FBXO47: variants seen among roughly 807,000 people sequenced by gnomAD.
FBXO47 encodes F-box protein 47.
A neutral mutation model predicts 53.9 loss-of-function variants in FBXO47; 34 were observed. That is an observed-to-expected ratio of 0.63 (90% CI 0.48 to 0.84). The LOEUF (loss-of-function observed/expected upper bound fraction) is 0.84. Ranked by LOEUF, FBXO47 falls within the 40% of genes least tolerant of loss-of-function variation. FBXO47 has a pLI of 0.00. For synonymous variants in FBXO47, 165 were observed against 181.6 expected, an observed-to-expected ratio of 0.91 and a Z score of 0.73; for missense variants, 485 against 541.3, an observed-to-expected ratio of 0.90 and a Z score of 1.03.
chr17:38,961,994 T>C lies in FBXO47; in HGVS notation c.235A>G (p.Ile79Val), dbSNP rs761645079. 1 of 1,613,986 alleles carries C rather than the reference T, an allele frequency of 6.2e-7. No homozygotes were observed. The highest frequency in any genetic ancestry group is 8.5e-7 in the Non-Finnish European group (1 of 1,179,956). Reference protein sequence around the residue: ...MVSKTVSQHIINYISTSSGSK... With the variant: ...MVSKTVSQHIVNYISTSSGSK... ...CCTGATGAGGTTGAGATATAATTAA[T>C]AATGTGTTGGCTGACTGTTTTGGAC... Residue 79 changes from isoleucine to valine, a missense_variant, in exon 3 of 11, where the codon ATT (isoleucine) becomes GTT (valine). Ile to Val is a conservative substitution (Grantham distance 29). Transcript: ENST00000378079.
In FBXO47 at chr17:38,937,179, G is replaced by A; in HGVS notation, c.1355C>T (p.Thr452Ile). ...AAGGCAAGGCTTTCTGAGGATTTAGGTAGACAGAGGAGTATTCATGGTCAA... is the reference window on the plus strand; with the variant it reads ...AAGGCAAGGCTTTCTGAGGATTTAGATAGACAGAGGAGTATTCATGGTCAA... ...LYLTMNTPLS[T>I] Residue 452 changes from threonine (T) to isoleucine (I), a missense_variant, in exon 11 of 11, where the codon ACC (threonine) becomes ATC (isoleucine). Transcript: ENST00000378079. 6.9e-7 allele frequency: 1 copy of A among 1,448,714 alleles called. No individual in the cohort carries two copies. The highest frequency in any genetic ancestry group is 9.7e-7 in the Non-Finnish European group (1 of 1,035,690). The allele number at this position is 1,448,714 out of a possible 1,614,324, so 89.7% of individuals were successfully genotyped here.
At chr17:38,937,923 C>T (rs879374363) in intron 10 of FBXO47, among the ~76,000 whole-genome samples, 1 of 152,226 alleles carries the variant, frequency 6.6e-6, no homozygotes, top group Non-Finnish European at 1.5e-5. Flanking sequence ...CCGCCTCGGC[C>T]TCCCAAAGTG....
chr17:38,947,990 A>G (rs1444264195), intron 6 of FBXO47, among the ~76,000 whole-genome samples: 1 of 152,102 alleles, frequency 6.6e-6, no homozygotes, highest in African/African-American at 2.4e-5. Context: ...ATCACATACC[A>G]TACCATTTAC....
chr17:38,945,948 A>T (rs189929515), intron 6 of FBXO47, among the ~76,000 whole-genome samples: 16,121 of 116,432 alleles, frequency 0.14, 1,453 homozygotes, highest in Admixed American at 0.22. Context: ...AAAAAAAAAA[A>T]ATATATATAT....
At chr17:38,945,697 G>A (rs1345032843) in intron 6 of FBXO47, among the ~76,000 whole-genome samples, 1 of 151,840 alleles carries the variant, frequency 6.6e-6, no homozygotes, top group Admixed American at 6.6e-5. Context: ...AGCACTTTGG[G>A]AGGCTGAGGC....
chr17:38,944,114 G>A (rs138454036), intron 7 of FBXO47, among the ~76,000 whole-genome samples: 3 of 151,940 alleles, frequency 2.0e-5, no homozygotes, highest in African/African-American at 7.2e-5. Flanking sequence ...CCTGGGAGGC[G>A]GAGGTTGCAG....
At chr17:38,965,878 G>A (rs1431334394) in intron 1 of FBXO47, among the ~76,000 whole-genome samples, 1 of 142,922 alleles carries the variant, frequency 7.0e-6, no homozygotes. Flanking sequence ...GCAAGAATCT[G>A]CCTCAAAAAA....
intron 4 of FBXO47, among the ~76,000 whole-genome samples, chr17:38,955,298 G>C (rs1390521691): frequency 6.6e-6 from 1 of 150,550 alleles, no homozygotes; most frequent in African/African-American, 2.4e-5. Context: ...TGAGGCAGGA[G>C]AATGGCATGA....
chr17:38,962,806 G>A (rs1266232994), intron 2 of FBXO47, 39 bp downstream of exon 2: 2 of 1,437,228 alleles, frequency 1.4e-6, no homozygotes, highest in East Asian at 2.3e-5. Context: ...AAATACTCTA[G>A]TGTCTTGTGT....
intron 7 of FBXO47, among the ~76,000 whole-genome samples, chr17:38,944,695 C>A (rs1340368078): frequency 1.6e-5 from 2 of 121,474 alleles, no homozygotes; most frequent in African/African-American, 6.4e-5. Flanking sequence ...GAGCAGACTC[C>A]GTCTCAAAAA....
chr17:38,947,627 C>T (rs779748624), intron 6 of FBXO47, among the ~76,000 whole-genome samples: 3 of 152,028 alleles, frequency 2.0e-5, no homozygotes, highest in Non-Finnish European at 4.4e-5. Context: ...TTTAGATTAA[C>T]GGCCAGGCGT....
At chr17:38,944,917 TA>T in intron 7 of FBXO47, 42 bp downstream of exon 7, 5 of 1,540,364 alleles carry the variant, frequency 3.2e-6, no homozygotes, top group Non-Finnish European at 4.5e-6. Context: ...AAAGTAAAAA[TA>T]ATGAACCAGT....
At chr17:38,942,343 C>T (rs1413716588) in intron 9 of FBXO47, among the ~76,000 whole-genome samples, 5 of 151,990 alleles carry the variant, frequency 3.3e-5, no homozygotes, top group African/African-American at 1.2e-4. Flanking sequence ...ACCTGTAATC[C>T]CAGCACTTTG....
At chr17:38,941,074 A>G (rs531270598) in intron 9 of FBXO47, among the ~76,000 whole-genome samples, 1 of 151,698 alleles carries the variant, frequency 6.6e-6, no homozygotes, top group East Asian at 1.9e-4. Context: ...AGCCTTGACC[A>G]CCCAGACTCA....
At position 38,943,021 on chromosome 17, in the gene FBXO47, ATTAGTG is replaced by A. The variant is rs1275185248; in HGVS notation, c.941-107_941-102del. 1.2e-5 allele frequency: 13 copies of A among 1,063,160 alleles called. No homozygotes were observed. The African/African-American group carries it at 2.1e-4, about 17-fold the overall frequency. 65.9% of individuals were successfully genotyped at this position (1,063,160 alleles called of 1,614,324 possible). A position where few individuals can be genotyped will look rare whatever the true frequency, so the allele number is the denominator to read the frequency against. Reference sequence around the variant, plus strand: ...ATATTTTATCTTTATTGGAAATACAATTAGTGCCAAGGGAAATGCTCAGAAAAAAAT... The same window carrying A: ...ATATTTTATCTTTATTGGAAATACAACCAAGGGAAATGCTCAGAAAAAAAT... On this transcript the variant is annotated intron_variant, in intron 8 of 10. Transcript: ENST00000378079.
At chr17:38,966,443 G>A (rs1315214036) in intron 1 of FBXO47, among the ~76,000 whole-genome samples, 1 of 152,122 alleles carries the variant, frequency 6.6e-6, no homozygotes, top group Non-Finnish European at 1.5e-5. Flanking sequence ...CTCGTGATCC[G>A]CCTGCCCCGG....
In FBXO47 at chr17:38,962,994, A is replaced by G; in HGVS notation, c.32T>C (p.Leu11Ser). The change falls in exon 2 of 11, where the codon TTG (leucine) becomes TCG (serine). Residue 11 changes from leucine (L) to serine (S), a missense_variant. Transcript: ENST00000378079. ...ACGTCTAAGTTTCTGGTTGGGAATC[A>G]AAGTGAAATTTGTATTTATTCTGGA... MASRINTNFT[L>S]IPNQKLRRSN... 1.2e-6 allele frequency: 2 copies of G among 1,612,124 alleles called. No individual in the cohort carries two copies. Among genetic ancestry groups the G allele is most frequent in the Non-Finnish European group, 8.5e-7 (1 of 1,178,690 alleles).
At chr17:38,949,378 C>CCTCT (rs1374512666) in intron 6 of FBXO47, among the ~76,000 whole-genome samples, 8 of 152,102 alleles carry the variant, frequency 5.3e-5, no homozygotes, top group Admixed American at 4.6e-4. Flanking sequence ...TGAGACCATA[C>CCTCT]CTCTGCACTT....
chr17:38,951,767 A>C, intron 5 of FBXO47, 78 bp from the exon 6 acceptor site: 90 of 1,088,700 alleles, frequency 8.3e-5, no homozygotes, highest in Non-Finnish European at 1.1e-4. Context: ...ATGGTGGCTC[A>C]CGCCTGTAAT....
Sources: gnomAD v4.1 joint callset for allele counts (sites outside exome capture counted in the v4.1 genomes callset) on GRCh38, gnomAD v4.1.1 for gene constraint, MANE v1.5 for transcripts, NCBI Gene and HGNC (gene_info 2026-07-23, HGNC 2026-07-21) for gene names.